The following DOCK5 variants were observed in gnomAD, a reference collection of about 807,000 sequenced individuals.
The protein encoded by DOCK5 is dedicator of cytokinesis 5.
A neutral mutation model predicts 251.8 loss-of-function variants in DOCK5; 142 were observed. The observed-to-expected ratio is 0.56, with a 90% CI of 0.49 to 0.65. The LOEUF (loss-of-function observed/expected upper bound fraction) is 0.65, where lower values mean the gene tolerates loss of function less well. Ranked by LOEUF, DOCK5 falls within the 30% of genes least tolerant of loss-of-function variation. The probability of loss-of-function intolerance (pLI) is 0.00; values close to 1 mark genes in which losing one functional copy is unlikely to be tolerated. For synonymous variants in DOCK5, 842 were observed against 835.5 expected (o/e 1.01, Z -0.13); for missense variants, 2,111 against 2,312.3 (o/e 0.91, Z 1.79).
At position 25,411,586 on chromosome 8, in the gene DOCK5, C is replaced by T. The variant is rs1506869; in HGVS notation, c.*288C>T. The stretch of plus-strand genomic sequence containing the variant: ...CACCATTGTTAAATGTCAGCCTGTA[C>T]GGCAGAGACATGGTGGTCTGCACAA... On this transcript the variant is annotated 3_prime_UTR_variant, in exon 52 of 52. Coordinates refer to ENST00000276440, the MANE Select transcript of DOCK5 (RefSeq NM_024940.8). 3.7e-5 allele frequency: 11 copies of T among 298,142 alleles called. No homozygotes were observed. Among genetic ancestry groups the T allele is most frequent in the South Asian group, 2.3e-4 (2 of 8,790 alleles). 18.5% of individuals were successfully genotyped at this position (298,142 alleles called of 1,614,324 possible).
In DOCK5 at chr8:25,316,953, A is replaced by G. The variant is rs917493778; in HGVS notation, c.1319-54A>G. ...ACCTTTTATGTCGTATGACATTCTG[A>G]AACTTAGAATGACTTCTCTCAGCAA... On this transcript the variant is annotated intron_variant, in intron 13 of 51. Coordinates refer to ENST00000276440, the MANE Select transcript of DOCK5 (RefSeq NM_024940.8). The G allele has an allele frequency of 8.1e-6, 13 of 1,602,748 alleles. No homozygotes were observed. In the Middle Eastern group the frequency reaches 6.6e-4, roughly 82 times the overall value.
chr8:25,239,279 C>G (rs1802879968), intron 1 of DOCK5, among the ~76,000 whole-genome samples: 1 of 151,276 alleles, frequency 6.6e-6, no homozygotes, highest in South Asian at 2.1e-4. Context: ...GCTTAGAGAT[C>G]TAGGTTTTAA....
intron 1 of DOCK5, among the ~76,000 whole-genome samples, chr8:25,201,046 A>G (rs1801868834): frequency 1.3e-5 from 2 of 152,192 alleles, no homozygotes; most frequent in Admixed American, 6.5e-5. Context: ...AGCTGGGATT[A>G]CAGGTGCATG....
intron 16 of DOCK5, 35 bp downstream of exon 16, chr8:25,321,087 T>TAAAA (rs535397663): frequency 6.3e-6 from 10 of 1,592,064 alleles, no homozygotes; most frequent in Non-Finnish European, 8.6e-6. Flanking sequence ...TATTTCCACT[T>TAAAA]AAAAAAAATT....
intron 3 of DOCK5, among the ~76,000 whole-genome samples, chr8:25,274,462 C>T (rs1803991042): frequency 6.6e-6 from 1 of 152,234 alleles, no homozygotes; most frequent in Non-Finnish European, 1.5e-5. Context: ...CTTTGGTACA[C>T]ATAACACTCA....
Position 25,372,617 on chromosome 8 carries a change from C to T in DOCK5, c.3583C>T (p.Leu1195Phe), listed in dbSNP as rs760317554. 4 of 1,606,594 alleles carry T rather than the reference C, an allele frequency of 2.5e-6. No homozygotes were observed. The highest frequency in any genetic ancestry group is 3.4e-6 in the Non-Finnish European group (4 of 1,177,020). ...CTCCAGCTCTGGGGAGGTCTTCGCC[C>T]TCCTGGTCAGCAGCCTCTTAGAGAA... ...YLSSSGEVFA[L>F]LVSSLLENLL... Residue 1195 changes from leucine to phenylalanine, a missense_variant, in exon 35 of 52, where the codon CTC becomes TTC. Transcript: ENST00000276440.
intron 1 of DOCK5, among the ~76,000 whole-genome samples, chr8:25,199,711 G>A (rs148909225): frequency 7.2e-5 from 11 of 152,286 alleles, no homozygotes; most frequent in South Asian, 2.1e-4. Context: ...TTTGCTGGGA[G>A]TGGACAGCTT....
At chr8:25,276,902 T>C (rs1277958681) in intron 4 of DOCK5, 1 of 152,190 alleles carries the variant, frequency 6.6e-6, no homozygotes, top group Non-Finnish European at 1.5e-5. Context: ...ATGTGCCACT[T>C]GCTCCCGTGC....
intron 21 of DOCK5, among the ~76,000 whole-genome samples, chr8:25,335,003 G>A (rs562856961): frequency 6.6e-6 from 1 of 152,264 alleles, no homozygotes; most frequent in East Asian, 1.9e-4. Context: ...TGGTTTATGG[G>A]CCCCTGACTA....
At position 25,408,898 on chromosome 8, in the gene DOCK5, T is replaced by C; in HGVS notation, c.5362T>C (p.Leu1788=). 6.2e-7 allele frequency: 1 copy of C among 1,614,014 alleles called. No individual in the cohort carries two copies. The highest frequency in any genetic ancestry group is 8.5e-7 in the Non-Finnish European group (1 of 1,179,876). The change falls in exon 50 of 52, where the codon TTG becomes CTG. Residue 1788 remains leucine, a synonymous_variant. Coordinates refer to ENST00000276440, the MANE Select transcript of DOCK5 (RefSeq NM_024940.8). ...HGSSPPQSTP[L]SPPPLTPKAT... is the part of the protein sequence containing the mutation. ...TTCTTCACCTCCTCAGTCAACACCC[T>C]TGAGCCCACCTCCACTCACTCCCAA...
chr8:25,414,549 TCTC>T lies in DOCK5; in HGVS notation c.*3255_*3257del, dbSNP rs1459779179. The T allele has an allele frequency of 6.6e-6, 1 of 152,206 alleles. No homozygotes were observed. Among genetic ancestry groups the T allele is most frequent in the East Asian group, 1.9e-4 (1 of 5,200 alleles). The allele number at this position is 152,206 out of a possible 1,614,324, so 9.4% of individuals were successfully genotyped here. On this transcript the variant is annotated 3_prime_UTR_variant, in exon 52 of 52. Coordinates refer to ENST00000276440, the MANE Select transcript of DOCK5 (RefSeq NM_024940.8). ...ACTCTTTCCAAGCTGGAAGAGTCCT[TCTC>T]CTCTAGTTGCCCCTAGGTCACTGGC...
At chr8:25,384,455 A>T (rs956229628) in intron 40 of DOCK5, among the ~76,000 whole-genome samples, 789 of 45,082 alleles carry the variant, frequency 0.018, 5 homozygotes, top group Non-Finnish European at 0.024. Flanking sequence ...TTATTTATTT[A>T]TTTATTTATT....
intron 26 of DOCK5, among the ~76,000 whole-genome samples, chr8:25,350,258 G>A (rs1338991635): frequency 6.6e-6 from 1 of 152,130 alleles, no homozygotes; most frequent in Non-Finnish European, 1.5e-5. Context: ...AATACAAATA[G>A]CAATGATTTA....
Position 25,372,718 on chromosome 8 carries a change from G to A in DOCK5, c.3684G>A (p.Leu1228=), listed in dbSNP as rs768331707. 1.2e-6 allele frequency: 2 copies of A among 1,609,496 alleles called. No homozygotes were observed. Among genetic ancestry groups the A allele is most frequent in the South Asian group, 1.1e-5 (1 of 89,912 alleles). ...ENRMSCTVNV[L]NFYKEKKRED... is the part of the protein sequence containing the mutation. ...GTATGAGCTGCACTGTGAACGTGCT[G>A]GTATGTGACATGCCTCCGGTGTGAT... is the stretch of plus-strand genomic sequence containing the variant. Residue 1228 remains leucine (L), a splice_region_variant and synonymous_variant, in exon 35 of 52, where the codon CTG becomes CTA. Coordinates refer to ENST00000276440, the MANE Select transcript of DOCK5 (RefSeq NM_024940.8).
intron 1 of DOCK5, among the ~76,000 whole-genome samples, chr8:25,224,415 G>A (rs28375912): frequency 0.07 from 10,637 of 152,208 alleles, 653 homozygotes; most frequent in African/African-American, 0.17. Flanking sequence ...CACAGCTCCC[G>A]GCCTTAATCA....
At chr8:25,201,081 A>G (rs1208149070) in intron 1 of DOCK5, among the ~76,000 whole-genome samples, 1 of 152,104 alleles carries the variant, frequency 6.6e-6, no homozygotes, top group African/African-American at 2.4e-5. Context: ...TAATTTTTGA[A>G]TTTTTAGTAG....
rs1554506461 is a variant in DOCK5 at position 25,389,243 on chromosome 8, C to CGG, written c.4273+16_4273+17dup. On this transcript the variant is annotated intron_variant, in intron 41 of 51. Coordinates refer to ENST00000276440, the MANE Select transcript of DOCK5 (RefSeq NM_024940.8). ...CGTCCCCCAAGCAGTGTATCCTTTC[C>CGG]GGGGGGAGTATGGCCCCGAGGCTCT... The CGG allele has an allele frequency of 6.2e-7, 1 of 1,611,414 alleles. No individual in the cohort carries two copies. The highest frequency in any genetic ancestry group is 8.5e-7 in the Non-Finnish European group (1 of 1,178,000).
At chr8:25,196,342 G>A (rs577370740) in intron 1 of DOCK5, among the ~76,000 whole-genome samples, 1 of 152,224 alleles carries the variant, frequency 6.6e-6, no homozygotes, top group African/African-American at 2.4e-5. Flanking sequence ...AGGAAAGAAG[G>A]CGCAGTCTCA....
chr8:25,282,165 C>T (rs185888792), intron 5 of DOCK5, among the ~76,000 whole-genome samples: 39 of 151,514 alleles, frequency 2.6e-4, no homozygotes, highest in African/African-American at 9.2e-4. Context: ...TGGCTTTCAC[C>T]GTTACTTTAA....
Sources: gnomAD v4.1 joint callset for allele counts (sites outside exome capture counted in the v4.1 genomes callset) on GRCh38, gnomAD v4.1.1 for gene constraint, MANE v1.5 for transcripts, NCBI Gene and HGNC (gene_info 2026-07-23, HGNC 2026-07-21) for gene names.